The following LARP1 variants were observed in gnomAD, a reference collection of about 807,000 sequenced individuals.
The protein encoded by LARP1 is la-related protein 1.
LARP1 carries 36 observed loss-of-function variants against 122.7 expected under a neutral mutation model. The ratio of observed to expected loss-of-function variants is 0.29; its 90% confidence interval spans 0.22 to 0.39. The LOEUF is 0.39. Ranked by LOEUF, LARP1 falls within the 10% of genes least tolerant of loss-of-function variation. The pLI is 1.00. For missense variants in LARP1, 1,040 were observed against 1,403.6 expected (o/e 0.74, Z 4.14); for synonymous variants, 539 against 528.7 (o/e 1.02, Z -0.27).
At chr5:154,752,440 G>A (rs901622517), upstream of LARP1, among the ~76,000 whole-genome samples, 1 of 151,266 alleles carries the variant, frequency 6.6e-6, no homozygotes, top group Admixed American at 6.6e-5. Flanking sequence ...ACAGTGTTTC[G>A]CCATGTTGGC....
chr5:154,745,808 T>C (rs1753161344), intron 1 of LARP1, among the ~76,000 whole-genome samples: 1 of 151,900 alleles, frequency 6.6e-6, no homozygotes, highest in African/African-American at 2.4e-5. Context: ...TTTTTTTTTT[T>C]TTTCTTGAGA....
chr5:154,783,007 T>A (rs1756583192), intron 1 of LARP1, among the ~76,000 whole-genome samples: 1 of 152,146 alleles, frequency 6.6e-6, no homozygotes, highest in African/African-American at 2.4e-5. Flanking sequence ...TTTCAGTTAA[T>A]CTGTCCCCAG....
intron 14 of LARP1, 134 bp from the exon 15 acceptor site, chr5:154,805,747 G>A (rs943981486): frequency 2.1e-5 from 19 of 894,200 alleles, no homozygotes; most frequent in African/African-American, 6.7e-5. Flanking sequence ...TTAAAGGTCC[G>A]TAACTGGGCC....
chr5:154,812,857 A>C (rs935417315), intron 18 of LARP1, among the ~76,000 whole-genome samples: 2 of 150,832 alleles, frequency 1.3e-5, no homozygotes, highest in Non-Finnish European at 2.9e-5. Flanking sequence ...GTGAGAACTC[A>C]CTCACTATCA....
Position 154,804,266 on chromosome 5 carries a change from G to A in LARP1, c.2505G>A (p.Val835=), listed in dbSNP as rs774730368. 11 of 1,614,088 alleles carry A rather than the reference G, an allele frequency of 6.8e-6. No homozygotes were observed. The Admixed American group carries it at 1.8e-4, about 27-fold the overall frequency. ...NPPLESHVGW[V]MDSREHRPRT... ...CCTTGGAGAGCCATGTGGGCTGGGT[G>A]ATGGATTCCCGTGAGCACAGGCCCC... Residue 835 remains valine (V), a synonymous_variant, in exon 14 of 19, where the codon GTG becomes GTA. Transcript: ENST00000518297.
intron 1 of LARP1, among the ~76,000 whole-genome samples, chr5:154,775,725 A>G (rs1162672669): frequency 6.6e-6 from 1 of 152,182 alleles, no homozygotes; most frequent in East Asian, 1.9e-4. Context: ...TGTAGGGCCT[A>G]CAGGCTTGAT....
intron 1 of LARP1, among the ~76,000 whole-genome samples, chr5:154,780,420 C>T (rs1561596125): frequency 6.6e-6 from 1 of 152,184 alleles, no homozygotes; most frequent in Admixed American, 6.5e-5. Context: ...TCCTGTGACA[C>T]TTTGGGTCCC....
upstream of LARP1, among the ~76,000 whole-genome samples, chr5:154,712,548 C>T (rs1430792458): frequency 6.6e-6 from 1 of 152,172 alleles, no homozygotes; most frequent in South Asian, 2.1e-4. Context: ...GTAGTCTGAA[C>T]CGCACTAAGC....
At chr5:154,795,389 AG>A in intron 8 of LARP1, 70 bp downstream of exon 8, 1 of 1,517,542 alleles carries the variant, frequency 6.6e-7, no homozygotes, top group South Asian at 1.2e-5. Context: ...GTTTGGGCCA[AG>A]GCAGAAAGCC....
chr5:154,792,453 T>G (rs548444258), intron 3 of LARP1, among the ~76,000 whole-genome samples, 169 bp from the exon 4 acceptor site: 3 of 152,356 alleles, frequency 2.0e-5, no homozygotes, highest in South Asian at 4.1e-4. Flanking sequence ...TTGACCATGC[T>G]TCCCACTGAA....
Position 154,756,107 on chromosome 5 carries a change from T to G in LARP1, c.350T>G (p.Val117Gly). Residue 117 changes from valine (V) to glycine (G), a missense_variant, in exon 1 of 19, where the codon GTG becomes GGG. By Grantham distance (109) the Val-to-Gly change is moderately radical (BLOSUM62 -3). Coordinates refer to ENST00000518297, the MANE Select transcript of LARP1 (RefSeq NM_033551.3). Reference protein sequence around the residue: ...GAAGAGRRDFVEAPPPKVNPW... With the variant: ...GAAGAGRRDFGEAPPPKVNPW... ...GCGGGCGCGGGGCGCCGGGACTTCG[T>G]GGAAGCCCCCCCGCCCAAGGTGAAC... is the stretch of plus-strand genomic sequence containing the variant. 3.3e-6 allele frequency: 4 copies of G among 1,215,340 alleles called. No individual in the cohort carries two copies. The highest frequency in any genetic ancestry group is 4.2e-6 in the Non-Finnish European group (4 of 950,710). The allele number at this position is 1,215,340 out of a possible 1,614,324, so 75.3% of individuals were successfully genotyped here.
intron 8 of LARP1, among the ~76,000 whole-genome samples, chr5:154,795,911 T>A (rs1425023645): frequency 4.1e-5 from 5 of 122,244 alleles, no homozygotes; most frequent in Admixed American, 3.4e-4. Flanking sequence ...TATTATATAT[T>A]TATTATATAT....
At chr5:154,688,618 C>T (rs1174519548) in intron 1 of LARP1, among the ~76,000 whole-genome samples, 1 of 142,334 alleles carries the variant, frequency 7.0e-6, no homozygotes, top group Non-Finnish European at 1.5e-5. Context: ...CACACCCCTG[C>T]ACTCCAGCCT....
At chr5:154,811,475 T>C (rs1432255129) in intron 17 of LARP1, 38 bp from the exon 18 acceptor site, 2 of 1,614,030 alleles carry the variant, frequency 1.2e-6, no homozygotes, top group East Asian at 2.2e-5. Flanking sequence ...AGCTTCTTTA[T>C]CCTCACCAGC....
rs947992818 is a variant in LARP1, at chr5:154,803,837, G to A, written c.2439+92G>A. The A allele has an allele frequency of 6.3e-5, 83 of 1,312,666 alleles. No individual in the cohort carries two copies. Among genetic ancestry groups the A allele is most frequent in the Non-Finnish European group, 8.7e-5 (81 of 927,790 alleles). The allele number at this position is 1,312,666 out of a possible 1,614,324, so 81.3% of individuals were successfully genotyped here. ...CTCTCCCTTGCCTTGTCTGAGCTAAGGAAGTGCTAAATCCTTCACCTGCTC... is the reference window on the plus strand; with the variant it reads ...CTCTCCCTTGCCTTGTCTGAGCTAAAGAAGTGCTAAATCCTTCACCTGCTC... On this transcript the variant is annotated intron_variant, in intron 13 of 18. Coordinates refer to ENST00000518297, the MANE Select transcript of LARP1 (RefSeq NM_033551.3). This position sits in a 1 kb window ranked among gnomAD's most constrained non-coding sequence, Gnocchi z 4.4.
At chr5:154,805,312 T>C in intron 14 of LARP1, 1 of 214,388 alleles carries the variant, frequency 4.7e-6, no homozygotes, top group Non-Finnish European at 9.3e-6. Context: ...TCTTCATGTT[T>C]AGCAGGCTGA....
chr5:154,790,190 C>G (rs1368111601), intron 1 of LARP1, 135 bp from the exon 2 acceptor site: 3 of 653,774 alleles, frequency 4.6e-6, no homozygotes, highest in Non-Finnish European at 7.9e-6. Flanking sequence ...TGTCTTTCCC[C>G]TCTCTACTGT....
chr5:154,812,776 C>T (rs1759387130), intron 18 of LARP1, among the ~76,000 whole-genome samples: 1 of 152,016 alleles, frequency 6.6e-6, no homozygotes, highest in African/African-American at 2.4e-5. Flanking sequence ...CTTGGCCTCC[C>T]AAAGTGCTGG....
At chr5:154,809,317 T>TAAA (rs78404073) in intron 16 of LARP1, among the ~76,000 whole-genome samples, 1 of 137,960 alleles carries the variant, frequency 7.2e-6, no homozygotes, top group Non-Finnish European at 1.6e-5. Context: ...CTGTTTCTAT[T>TAAA]AAAAAAAAAA....
Sources: allele counts gnomAD v4.1 joint callset (sites outside exome capture counted in the v4.1 genomes callset), GRCh38; gene constraint gnomAD v4.1.1; non-coding constraint Gnocchi (gnomAD v3.1); transcripts MANE v1.5; gene names NCBI Gene and HGNC (gene_info 2026-07-23, HGNC 2026-07-21).